Variants in TSPEAR observed in about 807,000 individuals in gnomAD.
TSPEAR encodes thrombospondin type laminin G domain and EAR repeats.
A neutral mutation model predicts 71.6 loss-of-function variants in TSPEAR; 69 were observed. The observed-to-expected ratio is 0.96, with a 90% CI of 0.79 to 1.18. TSPEAR has a LOEUF of 1.18. Among genes scored for constraint, TSPEAR ranks in the 50% most tolerant of loss-of-function variants. The pLI is 0.00. For missense variants in TSPEAR, 971 were observed against 894.9 expected (o/e 1.09, Z -1.09); for synonymous variants, 402 against 387.2 (o/e 1.04, Z -0.45).
intron 1 of TSPEAR, among the ~76,000 whole-genome samples, chr21:44,624,176 C>G (rs1982625528): frequency 6.6e-6 from 1 of 152,152 alleles, no homozygotes; most frequent in Admixed American, 6.5e-5. Context: ...TTGGTTTTGT[C>G]TAATATGTTG....
chr21:44,667,569 T>TC (rs1985853151), intron 1 of TSPEAR, among the ~76,000 whole-genome samples: 1 of 152,108 alleles, frequency 6.6e-6, no homozygotes, highest in African/African-American at 2.4e-5. Context: ...TCTAAGGAAA[T>TC]CAAGCTGGTC....
intron 1 of TSPEAR, among the ~76,000 whole-genome samples, chr21:44,606,369 C>G (rs781798656): frequency 1.3e-5 from 2 of 152,058 alleles, no homozygotes; most frequent in Non-Finnish European, 2.9e-5. Flanking sequence ...AAGATGAAAG[C>G]GAACAAGTGT....
intron 1 of TSPEAR, chr21:44,601,453 C>T: frequency 6.2e-7 from 1 of 1,611,482 alleles, no homozygotes; most frequent in Non-Finnish European, 8.5e-7. Flanking sequence ...GTGCTGTGTG[C>T]CCGTCTGCTC....
chr21:44,679,286 T>C lies in TSPEAR; in HGVS notation c.82+32147A>G, dbSNP rs587767013. On this transcript the variant is annotated intron_variant, in intron 1 of 11. Coordinates refer to ENST00000323084, the MANE Select transcript of TSPEAR (RefSeq NM_144991.3). ...GCATAGACCTGCCCATGGAACACAA[T>C]CTCATTCACAATAGCTATTTTAAAA... 7.2e-5 allele frequency among the ~76,000 whole-genome samples: 11 copies of C among 152,268 alleles called. No individual in the cohort carries two copies. The South Asian group carries it at 2.1e-3, about 29-fold the overall frequency.
intron 2 of TSPEAR, among the ~76,000 whole-genome samples, chr21:44,538,665 C>T (rs587700345): frequency 2.6e-5 from 4 of 152,240 alleles, no homozygotes; most frequent in African/African-American, 4.8e-5. Flanking sequence ...GGCAGCTTCC[C>T]GGAAGGTGAC....
intron 1 of TSPEAR, among the ~76,000 whole-genome samples, chr21:44,577,231 G>A (rs1261189490): frequency 6.6e-6 from 1 of 152,156 alleles, no homozygotes; most frequent in Non-Finnish European, 1.5e-5. Context: ...AGCTAAAGAA[G>A]CATATGTTGA....
chr21:44,513,677 T>C (rs1196957314), intron 9 of TSPEAR, among the ~76,000 whole-genome samples: 8 of 152,138 alleles, frequency 5.3e-5, no homozygotes, highest in Admixed American at 4.6e-4. Flanking sequence ...CACCCGGTAA[T>C]CAGTGGATTA....
At chr21:44,516,957 C>T (rs1601345532) in intron 9 of TSPEAR, among the ~76,000 whole-genome samples, 3 of 152,166 alleles carry the variant, frequency 2.0e-5, no homozygotes, top group African/African-American at 7.2e-5. Flanking sequence ...AGGAGCCCCT[C>T]GCTCCTGCAC....
intron 1 of TSPEAR, among the ~76,000 whole-genome samples, chr21:44,709,118 C>A (rs368543836): frequency 2.6e-5 from 4 of 152,214 alleles, no homozygotes; most frequent in African/African-American, 9.6e-5. Context: ...CACCCAGCCC[C>A]CCAGAGCCCA....
rs1555953404 is a variant in TSPEAR at position 44,710,564 on chromosome 21, G to T, written c.82+869C>A. Among the ~76,000 whole-genome samples the T allele has an allele frequency of 6.6e-6, 1 of 152,158 alleles. No homozygotes were observed. Among genetic ancestry groups the T allele is most frequent in the South Asian group, 2.1e-4 (1 of 4,832 alleles). The stretch of plus-strand genomic sequence containing the variant: ...GGGGGTGGACTTCATCTATTCCAGG[G>T]AACCAAGGATGCATGATTTGCAAAC... On this transcript the variant is annotated intron_variant, in intron 1 of 11. Coordinates refer to ENST00000323084, the MANE Select transcript of TSPEAR (RefSeq NM_144991.3). This position sits in a 1 kb window ranked among gnomAD's most constrained non-coding sequence, Gnocchi z 4.6.
At chr21:44,514,120 C>T (rs1195809077) in intron 9 of TSPEAR, among the ~76,000 whole-genome samples, 5 of 152,230 alleles carry the variant, frequency 3.3e-5, no homozygotes, top group Non-Finnish European at 5.9e-5. Flanking sequence ...TTCCTGGAGC[C>T]CTCCCGCCCA....
At chr21:44,638,907 G>T (rs1321046051) in intron 1 of TSPEAR, among the ~76,000 whole-genome samples, 1 of 152,000 alleles carries the variant, frequency 6.6e-6, no homozygotes, top group Non-Finnish European at 1.5e-5. Flanking sequence ...CCCCTGGGGA[G>T]ACCAGCTATG....
intron 1 of TSPEAR, among the ~76,000 whole-genome samples, chr21:44,569,824 C>T (rs1316543838): frequency 1.3e-5 from 2 of 151,806 alleles, no homozygotes; most frequent in Non-Finnish European, 2.9e-5. Context: ...TTAGGGGGTC[C>T]CAGGCTGACT....
chr21:44,545,854 A>C (rs2053296146), intron 2 of TSPEAR, among the ~76,000 whole-genome samples: 1 of 152,216 alleles, frequency 6.6e-6, no homozygotes, highest in South Asian at 2.1e-4. Flanking sequence ...AAGGAACTAG[A>C]AAAAGAGGAG....
rs889744999 is a variant in TSPEAR at position 44,571,102 on chromosome 21, C to T, written c.83-3097G>A. On this transcript the variant is annotated intron_variant, in intron 1 of 11. Transcript: ENST00000323084. ...GATAGAATAGGAGAAAACACCAACTCTTTTCATGAAGGCAGTGTTACCAAA... is the reference window on the plus strand; with the variant it reads ...GATAGAATAGGAGAAAACACCAACTTTTTTCATGAAGGCAGTGTTACCAAA... 2.6e-5 allele frequency among the ~76,000 whole-genome samples: 4 copies of T among 152,212 alleles called. No individual in the cohort carries two copies. In the South Asian group the frequency reaches 8.3e-4, roughly 31 times the overall value.
rs1555923528 is a variant in TSPEAR at position 44,574,690 on chromosome 21, C to T, written c.83-6685G>A. On this transcript the variant is annotated intron_variant, in intron 1 of 11. Coordinates refer to ENST00000323084, the MANE Select transcript of TSPEAR (RefSeq NM_144991.3). ...TGCCAGCCAGCTTGCTGCACCTCCTCCCAAAGCCAGCAGGGCTGCTGCGTG... is the reference window on the plus strand; with the variant it reads ...TGCCAGCCAGCTTGCTGCACCTCCTTCCAAAGCCAGCAGGGCTGCTGCGTG... 25 of 1,606,246 alleles carry T rather than the reference C, an allele frequency of 1.6e-5. 1 individual carries two copies. Among genetic ancestry groups the T allele is most frequent in the South Asian group, 6.6e-5 (6 of 90,752 alleles).
At chr21:44,646,920 T>C (rs782313199) in intron 1 of TSPEAR, 1 of 1,612,088 alleles carries the variant, frequency 6.2e-7, no homozygotes. Flanking sequence ...GCTGCAAGCC[T>C]GTGTGCTGTG....
intron 1 of TSPEAR, among the ~76,000 whole-genome samples, chr21:44,588,619 A>G (rs868974464): frequency 6.6e-6 from 1 of 150,842 alleles, no homozygotes; most frequent in South Asian, 2.1e-4. Flanking sequence ...AAAATGTGGA[A>G]CCAACCCAAA....
intron 10 of TSPEAR, chr21:44,508,529 T>G: frequency 9.0e-7 from 1 of 1,106,690 alleles, no homozygotes; most frequent in Non-Finnish European, 1.1e-6. Flanking sequence ...TGCAGGTTTA[T>G]TCACAGACCG....
Sources: allele counts gnomAD v4.1 joint callset (sites outside exome capture counted in the v4.1 genomes callset), GRCh38; gene constraint gnomAD v4.1.1; non-coding constraint Gnocchi (gnomAD v3.1); transcripts MANE v1.5; gene names NCBI Gene and HGNC (gene_info 2026-07-23, HGNC 2026-07-21).